OTULINL: variants seen among roughly 807,000 people sequenced by gnomAD.
OTULINL encodes the protein inactive ubiquitin thioesterase OTULINL.
A neutral mutation model predicts 43.9 loss-of-function variants in OTULINL; 42 were observed. That is an observed-to-expected ratio of 0.96 (90% CI 0.75 to 1.24). The LOEUF is 1.24. Among genes scored for constraint, OTULINL ranks in the 50% most tolerant of loss-of-function variants. The pLI is 0.00. For missense variants in OTULINL, 411 were observed against 426.4 expected (o/e 0.96, Z 0.32); for synonymous variants, 172 against 153.6 (o/e 1.12, Z -0.88).
At chr5:14,605,219 G>A (rs1051855074) in intron 5 of OTULINL, among the ~76,000 whole-genome samples, 1 of 152,196 alleles carries the variant, frequency 6.6e-6, no homozygotes, top group Non-Finnish European at 1.5e-5. Context: ...AAGCTGTTAA[G>A]GCTTGGGGCT....
chr5:14,609,081 A>C, intron 7 of OTULINL, 64 bp downstream of exon 7: 2 of 1,537,074 alleles, frequency 1.3e-6, no homozygotes, highest in South Asian at 2.5e-5. Context: ...TTGAACACAG[A>C]GGTGTCTGGG....
intron 1 of OTULINL, 36 bp downstream of exon 1, chr5:14,581,994 G>A: frequency 1.6e-6 from 2 of 1,238,888 alleles, no homozygotes; most frequent in Non-Finnish European, 1.0e-6. Flanking sequence ...GGCGGGGGGC[G>A]CGAGCAGGGA....
At chr5:14,592,044 A>G (rs1450791653) in intron 1 of OTULINL, among the ~76,000 whole-genome samples, 4 of 152,202 alleles carry the variant, frequency 2.6e-5, no homozygotes, top group Non-Finnish European at 5.9e-5. Context: ...AGAGCTGAGT[A>G]GTTGAGACAG....
At chr5:14,606,184 T>C (rs1427854926) in intron 5 of OTULINL, among the ~76,000 whole-genome samples, 1 of 152,168 alleles carries the variant, frequency 6.6e-6, no homozygotes, top group Admixed American at 6.5e-5. Flanking sequence ...AGTCACATTT[T>C]ATGTGGTTGG....
intron 1 of OTULINL, among the ~76,000 whole-genome samples, chr5:14,583,941 A>G (rs1437966164): frequency 6.6e-6 from 1 of 152,144 alleles, no homozygotes; most frequent in Non-Finnish European, 1.5e-5. Flanking sequence ...GTGTTAGGGT[A>G]TGTTAGGATA....
At chr5:14,603,612 T>C (rs1439205987) in intron 5 of OTULINL, among the ~76,000 whole-genome samples, 2 of 152,242 alleles carry the variant, frequency 1.3e-5, no homozygotes, top group Non-Finnish European at 1.5e-5. Flanking sequence ...TTATTTGTCA[T>C]CCCTGTTATC....
rs569675401 is a variant in OTULINL, at chr5:14,605,615, CT to C, written c.499-1714del. Reference sequence around the variant, plus strand: ...AACTTTTACGCTCTCTCTTTCAAAACTGAATGCCTTTAACAGCATCCAAGTC... The same window carrying C: ...AACTTTTACGCTCTCTCTTTCAAAACGAATGCCTTTAACAGCATCCAAGTC... On this transcript the variant is annotated intron_variant, in intron 5 of 7. Coordinates refer to ENST00000274217, the MANE Select transcript of OTULINL (RefSeq NM_019018.3). 5.1e-4 allele frequency among the ~76,000 whole-genome samples: 77 copies of C among 152,304 alleles called. 1 individual carries two copies. The highest frequency in any genetic ancestry group is 5.0e-3 in the Admixed American group (77 of 15,302).
At chr5:14,582,137 C>G (rs1440235122) in intron 1 of OTULINL, among the ~76,000 whole-genome samples, 179 bp downstream of exon 1, 7 of 151,514 alleles carry the variant, frequency 4.6e-5, no homozygotes, top group Admixed American at 1.3e-4. Flanking sequence ...GGGAGTGGGG[C>G]GGGGCTGCAC....
intron 1 of OTULINL, among the ~76,000 whole-genome samples, chr5:14,584,978 G>T (rs1759079711): frequency 6.6e-6 from 1 of 152,150 alleles, no homozygotes; most frequent in African/African-American, 2.4e-5. Flanking sequence ...AGATGGAACT[G>T]TTAATAACCC....
rs1759623997 is a variant in OTULINL at position 14,613,854 on chromosome 5, C to T, written c.*3540C>T. On this transcript the variant is annotated 3_prime_UTR_variant, in exon 8 of 8. Coordinates refer to ENST00000274217, the MANE Select transcript of OTULINL (RefSeq NM_019018.3). ...TCAGGGGGCATTAACGTTAATTTTC[C>T]CAGGACTTTTCTGCAAATGGGTATT... 6.6e-6 allele frequency among the ~76,000 whole-genome samples: 1 copy of T among 152,122 alleles called. No individual in the cohort carries two copies. Among genetic ancestry groups the T allele is most frequent in the South Asian group, 2.1e-4 (1 of 4,830 alleles).
intron 5 of OTULINL, among the ~76,000 whole-genome samples, chr5:14,604,193 C>T (rs538204497): frequency 6.6e-6 from 1 of 152,200 alleles, no homozygotes; most frequent in African/African-American, 2.4e-5. Context: ...TGTAGCCAGA[C>T]ATGGTGGTCA....
At chr5:14,587,230 G>A (rs1332454540) in intron 1 of OTULINL, among the ~76,000 whole-genome samples, 5 of 152,198 alleles carry the variant, frequency 3.3e-5, no homozygotes, top group African/African-American at 1.2e-4. Context: ...TGACGAGAAG[G>A]CCTCAACTTG....
At chr5:14,609,864 C>G (rs775968199) in intron 7 of OTULINL, among the ~76,000 whole-genome samples, 87 of 152,240 alleles carry the variant, frequency 5.7e-4, no homozygotes, top group Middle Eastern at 3.4e-3. Context: ...GTGATCCGCC[C>G]GCCTCGGCCT....
intron 1 of OTULINL, among the ~76,000 whole-genome samples, chr5:14,595,640 C>CTTTTTTTT (rs61482298): frequency 5.3e-5 from 3 of 57,110 alleles, no homozygotes; most frequent in Admixed American, 3.0e-4. Context: ...AAAAACGGTG[C>CTTTTTTTT]TTTTTTTTTT....
At chr5:14,603,598 G>A (rs929497751) in intron 5 of OTULINL, among the ~76,000 whole-genome samples, 1 of 152,090 alleles carries the variant, frequency 6.6e-6, no homozygotes, top group African/African-American at 2.4e-5. Context: ...CATTTTTCAT[G>A]TGCTTATTTG....
chr5:14,602,426 A>G (rs1759405175), intron 5 of OTULINL, 94 bp downstream of exon 5: 2 of 1,227,656 alleles, frequency 1.6e-6, no homozygotes, highest in Admixed American at 2.2e-5. Flanking sequence ...TCAGATGACC[A>G]TGAGATTGAA....
Position 14,610,148 on chromosome 5 carries a change from TG to T in OTULINL, c.906del (p.Met302IlefsTer10). ...GDTCGLEQID[M>X]FILGYSLEVK... ...CTTTCATCTCATCCACAGATTGATA[TG>T]TTTATACTTGGATACTCCCTTGAAG... On this transcript the variant is annotated frameshift_variant, in exon 8 of 8. Coordinates refer to ENST00000274217, the MANE Select transcript of OTULINL (RefSeq NM_019018.3). LOFTEE classifies it high-confidence loss of function. 6.2e-7 allele frequency: 1 copy of T among 1,612,784 alleles called. No homozygotes were observed. The highest frequency in any genetic ancestry group is 8.5e-7 in the Non-Finnish European group (1 of 1,178,984).
At chr5:14,600,223 T>C (rs1315859935) in intron 1 of OTULINL, among the ~76,000 whole-genome samples, 1 of 152,162 alleles carries the variant, frequency 6.6e-6, no homozygotes, top group Non-Finnish European at 1.5e-5. Flanking sequence ...CCCTTTTGCT[T>C]GACACTTCTC....
rs1759595907 is a variant in OTULINL, at chr5:14,612,381, G to C, written c.*2067G>C. 6.6e-6 allele frequency: 1 copy of C among 152,170 alleles called. No homozygotes were observed. The highest frequency in any genetic ancestry group is 6.5e-5 in the Admixed American group (1 of 15,272). 9.4% of individuals were successfully genotyped at this position (152,170 alleles called of 1,614,324 possible). The stretch of plus-strand genomic sequence containing the variant: ...CTGAAAGGAAAAATTTTTTCACCAG[G>C]ATTGGCAGCCTGTAGCTCTGTGACC... On this transcript the variant is annotated 3_prime_UTR_variant, in exon 8 of 8. Transcript: ENST00000274217.
Sources: allele counts gnomAD v4.1 joint callset (sites outside exome capture counted in the v4.1 genomes callset), GRCh38; gene constraint gnomAD v4.1.1; transcripts MANE v1.5; gene names NCBI Gene and HGNC (gene_info 2026-07-23, HGNC 2026-07-21).